The following IFT46 variants were observed in gnomAD, a reference collection of about 807,000 sequenced individuals.
IFT46 encodes intraflagellar transport 46.
A neutral mutation model predicts 39.6 loss-of-function variants in IFT46; 19 were observed. The observed-to-expected ratio is 0.48, with a 90% CI of 0.33 to 0.70. The LOEUF is 0.70. Ranked by LOEUF, IFT46 falls within the 30% of genes least tolerant of loss-of-function variation. IFT46 has a pLI of 0.01. For synonymous variants in IFT46, 117 were observed against 134.8 expected, an observed-to-expected ratio of 0.87 and a Z score of 0.91; for missense variants, 334 against 364.8, an observed-to-expected ratio of 0.92 and a Z score of 0.69.
chr11:118,554,697 G>T, intron 6 of IFT46, 110 bp from the exon 7 acceptor site: 2 of 1,194,502 alleles, frequency 1.7e-6, no homozygotes, highest in South Asian at 1.5e-5. Context: ...TGCTTATCAT[G>T]CTGTACGCAA....
intron 10 of IFT46, 134 bp from the exon 11 acceptor site, chr11:118,545,628 G>T: frequency 9.4e-7 from 1 of 1,062,378 alleles, no homozygotes; most frequent in Non-Finnish European, 1.4e-6. Context: ...CCAGCAGGTA[G>T]TCACATAAGC....
At chr11:118,554,652 C>T in intron 6 of IFT46, 65 bp from the exon 7 acceptor site, 2 of 1,500,800 alleles carry the variant, frequency 1.3e-6, no homozygotes, top group African/African-American at 1.4e-5. Flanking sequence ...AGGAAGAACA[C>T]TTCTGGTTCA....
At chr11:118,545,637 GC>G in intron 10 of IFT46, 143 bp from the exon 11 acceptor site, 1 of 1,072,044 alleles carries the variant, frequency 9.3e-7, no homozygotes, top group Non-Finnish European at 1.4e-6. Context: ...AGTCACATAA[GC>G]CAAACACCAC....
In IFT46 at chr11:118,551,396, G is replaced by A. The variant is rs189649561; in HGVS notation, c.672+390C>T. Among the ~76,000 whole-genome samples, 296 of 151,230 alleles carry A rather than the reference G, an allele frequency of 2.0e-3. 2 individuals carry two copies. Among genetic ancestry groups the A allele is most frequent in the African/African-American group, 6.8e-3 (279 of 41,228 alleles). ...TCAACAAAAAAAATTAATGATCGCT[G>A]GGTGGAGTGGCTCATGCCTGTAATC... On this transcript the variant is annotated intron_variant, in intron 9 of 11. Transcript: ENST00000264021.
chr11:118,572,663 G>A, exon 1 of IFT46: 3 of 1,400,612 alleles, frequency 2.1e-6, no homozygotes, highest in Non-Finnish European at 2.9e-6. Flanking sequence ...CTAGGGCAGA[G>A]TGCTTTTGCT....
chr11:118,546,424 G>T, intron 9 of IFT46: 1 of 427,622 alleles, frequency 2.3e-6, no homozygotes, highest in Non-Finnish European at 4.3e-6. Flanking sequence ...CCAGCAGGTT[G>T]AGGCTGCAGT....
upstream of IFT46, chr11:118,573,761 T>C (rs1555072921): frequency 1.5e-6 from 1 of 646,810 alleles, no homozygotes; most frequent in Non-Finnish European, 2.8e-6. Context: ...TTTAGGCCAC[T>C]GAACAGCTTT....
chr11:118,545,300 G>C, intron 11 of IFT46, 109 bp downstream of exon 11: 1 of 860,832 alleles, frequency 1.2e-6, no homozygotes, highest in Non-Finnish European at 1.9e-6. Context: ...AAGGTAACTG[G>C]GCAGAGACAT....
chr11:118,563,549 G>A (rs953700385), intron 2 of IFT46, among the ~76,000 whole-genome samples: 6 of 152,030 alleles, frequency 3.9e-5, no homozygotes, highest in Non-Finnish European at 7.4e-5. Context: ...GTCTTATACC[G>A]TATTTGCCTC....
chr11:118,558,372 G>A (rs1344409721), intron 3 of IFT46, among the ~76,000 whole-genome samples: 2 of 152,164 alleles, frequency 1.3e-5, no homozygotes, highest in South Asian at 2.1e-4. Context: ...CGAAGCAGGC[G>A]GATCATGTGG....
chr11:118,557,143 T>G, intron 3 of IFT46, 98 bp from the exon 4 acceptor site: 1 of 1,087,350 alleles, frequency 9.2e-7, no homozygotes, highest in Non-Finnish European at 1.2e-6. Context: ...ACCAACCACC[T>G]GGCACCTCGT....
chr11:118,567,062 C>A (rs1938241601), upstream of IFT46, among the ~76,000 whole-genome samples: 1 of 151,704 alleles, frequency 6.6e-6, no homozygotes, highest in Non-Finnish European at 1.5e-5. Flanking sequence ...GCAAGAACCG[C>A]CCCCCTCCAC....
At chr11:118,556,548 C>T (rs1937841980) in intron 4 of IFT46, among the ~76,000 whole-genome samples, 1 of 152,042 alleles carries the variant, frequency 6.6e-6, no homozygotes, top group Non-Finnish European at 1.5e-5. Context: ...CCAGGTTGGT[C>T]TTGAACGCCC....
At chr11:118,557,563 A>C in intron 3 of IFT46, 2 of 714,494 alleles carry the variant, frequency 2.8e-6, no homozygotes, top group South Asian at 1.8e-5. Flanking sequence ...CCTTGTGCCC[A>C]TCAAACCAGC....
rs1273953135 is a variant in IFT46, at chr11:118,551,690, AG to A, written c.672+95del. 1.4e-5 allele frequency: 12 copies of A among 840,820 alleles called. No homozygotes were observed. The East Asian group carries it at 2.6e-4, about 18-fold the overall frequency. The allele number at this position is 840,820 out of a possible 1,614,324, so 52.1% of individuals were successfully genotyped here. Reference sequence around the variant, plus strand: ...TGTCTCAAAAAAAAAAAAAAAAAAAAGTTACCAATAATAATAATGGAGGAAG... The same window carrying A: ...TGTCTCAAAAAAAAAAAAAAAAAAAATTACCAATAATAATAATGGAGGAAG... On this transcript the variant is annotated intron_variant, in intron 9 of 11. Transcript: ENST00000264021.
chr11:118,547,512 G>A (rs1555067438), intron 9 of IFT46, among the ~76,000 whole-genome samples: 2 of 152,080 alleles, frequency 1.3e-5, no homozygotes, highest in Admixed American at 6.6e-5. Context: ...TCCACTTCCT[G>A]GATTCAAGCA....
chr11:118,561,618 C>T (rs1591370879), intron 2 of IFT46: 6 of 503,152 alleles, frequency 1.2e-5, no homozygotes, highest in South Asian at 4.4e-5. Context: ...CAGATAAAGA[C>T]GATAAACATA....
intron 2 of IFT46, among the ~76,000 whole-genome samples, chr11:118,562,721 G>A (rs1274051037): frequency 6.6e-6 from 1 of 152,124 alleles, no homozygotes; most frequent in Non-Finnish European, 1.5e-5. Context: ...ATTCACAATA[G>A]CCAAAATATG....
chr11:118,571,068 G>T (rs75800397), intron 1 of IFT46, among the ~76,000 whole-genome samples: 1,837 of 152,054 alleles, frequency 0.012, 44 homozygotes, highest in African/African-American at 0.042. Context: ...AATTATTCCA[G>T]AAATAAATCT....
Sources: gnomAD v4.1 joint callset for allele counts (sites outside exome capture counted in the v4.1 genomes callset) on GRCh38, gnomAD v4.1.1 for gene constraint, MANE v1.5 for transcripts, NCBI Gene and HGNC (gene_info 2026-07-23, HGNC 2026-07-21) for gene names.